Variants in CDH18 observed in about 807,000 individuals in gnomAD.
CDH18 encodes the protein cadherin-18.
In CDH18, 31 loss-of-function variants were observed where a neutral mutation model predicts 67.9. That is an observed-to-expected ratio of 0.46 (90% CI 0.34 to 0.62). CDH18 has a LOEUF of 0.62. Among genes scored for constraint, CDH18 ranks in the 20% least tolerant of loss-of-function variants. The probability of loss-of-function intolerance (pLI) is 0.01; values close to 1 mark genes in which losing one functional copy is unlikely to be tolerated. For synonymous variants in CDH18, 362 were observed against 347.2 expected (o/e 1.04, Z -0.48); for missense variants, 890 against 975.5 (o/e 0.91, Z 1.17).
chr5:19,699,359 T>C lies in CDH18; in HGVS notation c.643+21988A>G, dbSNP rs1463778133. Among the ~76,000 whole-genome samples, 7 of 152,140 alleles carry C rather than the reference T, an allele frequency of 4.6e-5. No individual in the cohort carries two copies. In the South Asian group the frequency reaches 1.5e-3, roughly 32 times the overall value. ...ATATGTAGTCAGGATCCAGGGAGTGTACAGAATCCAACTTCAGTGTTCAAC... is the reference window on the plus strand; with the variant it reads ...ATATGTAGTCAGGATCCAGGGAGTGCACAGAATCCAACTTCAGTGTTCAAC... On this transcript the variant is annotated intron_variant, in intron 5 of 12. Transcript: ENST00000382275.
intron 1 of CDH18, among the ~76,000 whole-genome samples, chr5:20,482,286 C>A (rs796793323): frequency 1.3e-4 from 20 of 151,998 alleles, no homozygotes; most frequent in African/African-American, 4.8e-4. Context: ...GAGATTAAAA[C>A]CATAATAAAA....
chr5:19,813,040 A>T (rs1268485852), intron 3 of CDH18, among the ~76,000 whole-genome samples: 2 of 152,196 alleles, frequency 1.3e-5, no homozygotes, highest in East Asian at 1.9e-4. Context: ...TAACACAGGA[A>T]CAGAAAACCA....
In CDH18 at chr5:20,418,711, T is replaced by G. The variant is rs1301199890; in HGVS notation, c.-580+156751A>C. 3.3e-5 allele frequency among the ~76,000 whole-genome samples: 5 copies of G among 152,236 alleles called. No homozygotes were observed. In the East Asian group the frequency reaches 9.7e-4, roughly 30 times the overall value. On this transcript the variant is annotated intron_variant, in intron 1 of 14. Transcript: ENST00000507958. The stretch of plus-strand genomic sequence containing the variant: ...TTGTAAGACAACTTAAGTTTAACTG[T>G]GTGCGTATAAAAAGGGGTATTTGTA...
intron 2 of CDH18, among the ~76,000 whole-genome samples, chr5:20,248,302 T>C (rs533022218): frequency 7.2e-4 from 110 of 152,328 alleles, no homozygotes; most frequent in African/African-American, 2.5e-3. Flanking sequence ...TGAATAATAC[T>C]GTTCATCAAC....
chr5:19,702,869 A>G (rs1314159382), intron 5 of CDH18, among the ~76,000 whole-genome samples: 1 of 152,178 alleles, frequency 6.6e-6, no homozygotes, highest in East Asian at 1.9e-4. Flanking sequence ...TGGCCCACCC[A>G]GGGCAGAAAA....
intron 2 of CDH18, among the ~76,000 whole-genome samples, chr5:20,253,516 G>C (rs1416320075): frequency 6.6e-6 from 1 of 152,174 alleles, no homozygotes; most frequent in African/African-American, 2.4e-5. Flanking sequence ...AAAGAATCCA[G>C]TAAAATGATC....
At chr5:20,185,784 T>C (rs138791601) in intron 2 of CDH18, among the ~76,000 whole-genome samples, 1 of 152,128 alleles carries the variant, frequency 6.6e-6, no homozygotes, top group Admixed American at 6.6e-5. Flanking sequence ...ACATTACATA[T>C]TCCATACACA....
At chr5:19,832,732 A>G (rs1466085423) in intron 3 of CDH18, among the ~76,000 whole-genome samples, 1 of 152,166 alleles carries the variant, frequency 6.6e-6, no homozygotes, top group African/African-American at 2.4e-5. Context: ...GTCCGGTTTC[A>G]GTTTCCTGCA....
Position 19,667,519 on chromosome 5 carries a change from C to CAG in CDH18, c.643+53827_643+53828insCT, listed in dbSNP as rs1758140873. On this transcript the variant is annotated intron_variant, in intron 5 of 12. Coordinates refer to ENST00000382275, the MANE Select transcript of CDH18 (RefSeq NM_004934.5). ...ATATATATATATATACACACACACA[C>CAG]ACACACACACATACACACACATAAA... Among the ~76,000 whole-genome samples, 4 of 150,152 alleles carry CAG rather than the reference C, an allele frequency of 2.7e-5. No homozygotes were observed. In the South Asian group the frequency reaches 6.3e-4, roughly 24 times the overall value.
chr5:19,683,361 T>C (rs1331963713), intron 5 of CDH18, among the ~76,000 whole-genome samples: 2 of 152,130 alleles, frequency 1.3e-5, no homozygotes, highest in Non-Finnish European at 1.5e-5. Context: ...ACTATTGTCA[T>C]CCATATGGCC....
intron 1 of CDH18, among the ~76,000 whole-genome samples, chr5:20,523,778 G>T (rs993754194): frequency 2.0e-5 from 3 of 152,108 alleles, no homozygotes; most frequent in Admixed American, 2.0e-4. Flanking sequence ...GACCTCAAGT[G>T]ATCTGCCCAC....
chr5:19,659,367 T>C (rs909917811), intron 5 of CDH18, among the ~76,000 whole-genome samples: 45 of 152,134 alleles, frequency 3.0e-4, no homozygotes, highest in African/African-American at 7.7e-4. Context: ...AGCAAATGAC[T>C]ATCAAAATAG....
At chr5:20,408,233 G>C (rs958745621) in intron 1 of CDH18, among the ~76,000 whole-genome samples, 1 of 152,006 alleles carries the variant, frequency 6.6e-6, no homozygotes, top group Non-Finnish European at 1.5e-5. Context: ...ATCACCACTA[G>C]ACTTACCTTA....
intron 6 of CDH18, among the ~76,000 whole-genome samples, chr5:19,607,993 T>C (rs1394417568): frequency 1.3e-5 from 2 of 151,554 alleles, no homozygotes; most frequent in Non-Finnish European, 3.0e-5. Flanking sequence ...AATAGCATGG[T>C]TTAAAACTGC....
chr5:19,887,220 C>T (rs1788306575), intron 2 of CDH18, among the ~76,000 whole-genome samples: 1 of 150,690 alleles, frequency 6.6e-6, no homozygotes, highest in Admixed American at 6.6e-5. Context: ...TTAGCTTATA[C>T]CAAAAACGTA....
At chr5:20,539,343 C>T (rs1756920717) in intron 1 of CDH18, among the ~76,000 whole-genome samples, 3 of 152,090 alleles carry the variant, frequency 2.0e-5, no homozygotes, top group South Asian at 4.1e-4. Flanking sequence ...ACCTGTATAG[C>T]TTCCATTCTA....
intron 2 of CDH18, among the ~76,000 whole-genome samples, chr5:20,172,228 A>ATATATATATACGTATATATATG (rs1736864981): frequency 9.9e-5 from 11 of 110,728 alleles, no homozygotes; most frequent in Non-Finnish European, 1.8e-4. Context: ...ATATATGTAT[A>ATATATATATACGTATATATATG]TATATATATA....
intron 1 of CDH18, chr5:20,305,111 A>C: frequency 1.3e-6 from 2 of 1,549,862 alleles, no homozygotes; most frequent in South Asian, 2.2e-5. Context: ...GCAGCAAGAG[A>C]ACCAAAGGCT....
chr5:19,672,705 T>C (rs1281333167), intron 5 of CDH18, among the ~76,000 whole-genome samples: 3 of 151,916 alleles, frequency 2.0e-5, no homozygotes, highest in African/African-American at 7.2e-5. Context: ...AAAAGAACAA[T>C]ATAATAACAA....
Sources: allele counts gnomAD v4.1 joint callset (sites outside exome capture counted in the v4.1 genomes callset), GRCh38; gene constraint gnomAD v4.1.1; transcripts MANE v1.5; gene names NCBI Gene and HGNC (gene_info 2026-07-23, HGNC 2026-07-21).